Variants in PTPRM observed in about 807,000 individuals in gnomAD.
PTPRM encodes the protein receptor-type tyrosine-protein phosphatase mu.
A neutral mutation model predicts 186.7 loss-of-function variants in PTPRM; 47 were observed. The observed-to-expected ratio is 0.25, with a 90% CI of 0.20 to 0.32. PTPRM has a LOEUF of 0.32. Among genes scored for constraint, PTPRM ranks in the 10% least tolerant of loss-of-function variants. The pLI, the probability that PTPRM is intolerant of heterozygous loss-of-function variation, is 1.00. For missense variants in PTPRM, 1,494 were observed against 1,865.0 expected (o/e 0.80, Z 3.66); for synonymous variants, 668 against 674.9 (o/e 0.99, Z 0.16).
At chr18:8,163,643 G>A (rs1428000444) in intron 14 of PTPRM, among the ~76,000 whole-genome samples, 1 of 152,188 alleles carries the variant, frequency 6.6e-6, no homozygotes. Flanking sequence ...AAAATTAACT[G>A]AAGTTATGAG....
chr18:8,358,061 A>T (rs574052803), intron 23 of PTPRM, among the ~76,000 whole-genome samples: 1 of 152,310 alleles, frequency 6.6e-6, no homozygotes, highest in South Asian at 2.1e-4. Context: ...CTTTATTCTG[A>T]TAGTATTCCT....
intron 2 of PTPRM, among the ~76,000 whole-genome samples, chr18:7,790,764 T>C (rs2043301837): frequency 6.6e-6 from 1 of 152,210 alleles, no homozygotes; most frequent in Non-Finnish European, 1.5e-5. Context: ...TGGGAAAAAT[T>C]ACTGGTTTTT....
At chr18:8,179,864 C>A (rs1447110336) in intron 14 of PTPRM, among the ~76,000 whole-genome samples, 1 of 152,190 alleles carries the variant, frequency 6.6e-6, no homozygotes, top group South Asian at 2.1e-4. Context: ...TTCTTTATAA[C>A]CTTCCTTACC....
At chr18:8,213,741 G>T (rs1031029979) in intron 14 of PTPRM, among the ~76,000 whole-genome samples, 5 of 152,148 alleles carry the variant, frequency 3.3e-5, no homozygotes, top group African/African-American at 1.2e-4. Flanking sequence ...CGATCCAGCA[G>T]TCCCACTACT....
chr18:7,622,749 G>C (rs1286286573), intron 1 of PTPRM, among the ~76,000 whole-genome samples: 2 of 152,162 alleles, frequency 1.3e-5, no homozygotes, highest in Non-Finnish European at 2.9e-5. Flanking sequence ...CAGGCAGCAG[G>C]TACATGGTGC....
intron 1 of PTPRM, among the ~76,000 whole-genome samples, chr18:7,628,162 A>G (rs2038105537): frequency 6.6e-6 from 1 of 152,188 alleles, no homozygotes; most frequent in South Asian, 2.1e-4. Flanking sequence ...ACACACACAC[A>G]CAAACACACA....
At chr18:8,244,361 C>T (rs759379903) in intron 15 of PTPRM, 152 bp downstream of exon 15, 3 of 785,442 alleles carry the variant, frequency 3.8e-6, no homozygotes, top group Non-Finnish European at 5.6e-6. Context: ...TCCTTTGTGC[C>T]ACAGGTTGCT....
chr18:8,354,860 C>T (rs1165648685), intron 23 of PTPRM, among the ~76,000 whole-genome samples: 2 of 152,198 alleles, frequency 1.3e-5, no homozygotes, highest in South Asian at 4.2e-4. Flanking sequence ...CTTGGAGCAG[C>T]GAGTCACAGG....
chr18:7,846,841 C>T (rs2046621238), intron 2 of PTPRM, among the ~76,000 whole-genome samples: 1 of 152,086 alleles, frequency 6.6e-6, no homozygotes, highest in Non-Finnish European at 1.5e-5. Context: ...CCTAATCAGA[C>T]CAGGGTTTCT....
At chr18:7,599,090 T>C (rs2037337816) in intron 1 of PTPRM, among the ~76,000 whole-genome samples, 1 of 152,190 alleles carries the variant, frequency 6.6e-6, no homozygotes, top group Admixed American at 6.5e-5. Flanking sequence ...TCAACCAGAT[T>C]AGAGGAATTT....
chr18:7,592,468 C>T (rs76426129), intron 1 of PTPRM, among the ~76,000 whole-genome samples: 5,078 of 152,312 alleles, frequency 0.033, 447 homozygotes, highest in East Asian at 0.29. Context: ...CTCTGCCACT[C>T]TCTCAGGACT....
chr18:8,113,330 G>A (rs1025260723), intron 11 of PTPRM, among the ~76,000 whole-genome samples, 156 bp from the exon 12 acceptor site: 1 of 152,212 alleles, frequency 6.6e-6, no homozygotes, highest in Non-Finnish European at 1.5e-5. Flanking sequence ...CACTGAGCAA[G>A]TGCTGCATGA....
At chr18:7,611,670 G>T (rs942098316) in intron 1 of PTPRM, among the ~76,000 whole-genome samples, 4 of 152,112 alleles carry the variant, frequency 2.6e-5, no homozygotes, top group African/African-American at 9.7e-5. Context: ...GGAGGTAATT[G>T]AATCATGGGG....
intron 2 of PTPRM, among the ~76,000 whole-genome samples, chr18:7,829,425 G>A (rs548229093): frequency 1.3e-5 from 2 of 152,210 alleles, no homozygotes; most frequent in East Asian, 3.9e-4. Flanking sequence ...TTCAGAGATG[G>A]GTGGCCAAAA....
chr18:7,736,906 T>C (rs556641367), intron 1 of PTPRM, among the ~76,000 whole-genome samples: 187 of 152,214 alleles, frequency 1.2e-3, no homozygotes, highest in African/African-American at 4.4e-3. Context: ...TAAAACAATA[T>C]AAAATAATAT....
At chr18:7,697,993 T>C (rs577772530) in intron 1 of PTPRM, among the ~76,000 whole-genome samples, 52 of 152,376 alleles carry the variant, frequency 3.4e-4, no homozygotes, top group African/African-American at 9.9e-4. Flanking sequence ...GTTTGATGTG[T>C]TAACAGAAGA....
chr18:8,042,907 G>A (rs933132864), intron 7 of PTPRM, among the ~76,000 whole-genome samples: 2 of 152,100 alleles, frequency 1.3e-5, no homozygotes, highest in African/African-American at 4.8e-5. Context: ...CGCCAAGACA[G>A]TTCCCCCTGT....
At chr18:8,282,975 G>A (rs189681047) in intron 19 of PTPRM, among the ~76,000 whole-genome samples, 1 of 152,236 alleles carries the variant, frequency 6.6e-6, no homozygotes, top group African/African-American at 2.4e-5. Flanking sequence ...GGAAAAAGAA[G>A]CCAGTACTTG....
intron 23 of PTPRM, among the ~76,000 whole-genome samples, chr18:8,349,891 C>G (rs962593114): frequency 1.3e-5 from 2 of 152,196 alleles, no homozygotes; most frequent in Non-Finnish European, 2.9e-5. Flanking sequence ...CACTGGTCAC[C>G]CTGGTGTTCA....
Sources: gnomAD v4.1 joint callset for allele counts (sites outside exome capture counted in the v4.1 genomes callset) on GRCh38, gnomAD v4.1.1 for gene constraint, MANE v1.5 for transcripts, NCBI Gene and HGNC (gene_info 2026-07-23, HGNC 2026-07-21) for gene names.